The following BMPER variants were observed in gnomAD, a reference collection of about 807,000 sequenced individuals.
BMPER encodes the protein BMP binding endothelial regulator.
In BMPER, 45 loss-of-function variants were observed where a neutral mutation model predicts 87.3. That is an observed-to-expected ratio of 0.52 (90% CI 0.41 to 0.66). The LOEUF is 0.66. BMPER is among the 30% of genes least tolerant of loss of function. BMPER has a pLI of 0.00. For synonymous variants in BMPER, 326 were observed against 316.2 expected, an observed-to-expected ratio of 1.03 and a Z score of -0.33; for missense variants, 784 against 867.5, an observed-to-expected ratio of 0.90 and a Z score of 1.21.
intron 6 of BMPER, among the ~76,000 whole-genome samples, chr7:34,003,157 T>C (rs1259551467): frequency 6.6e-6 from 1 of 151,758 alleles, no homozygotes; most frequent in African/African-American, 2.4e-5. Context: ...AATTCTAATA[T>C]AAATTTCTAG....
chr7:33,966,292 T>C (rs368782587), intron 3 of BMPER, among the ~76,000 whole-genome samples, 187 bp from the exon 4 acceptor site: 6 of 152,352 alleles, frequency 3.9e-5, no homozygotes, highest in South Asian at 2.1e-4. Context: ...AATGAATTAA[T>C]GTAAGTGAAT....
At chr7:34,127,032 A>G (rs1275401457) in intron 13 of BMPER, among the ~76,000 whole-genome samples, 1 of 152,228 alleles carries the variant, frequency 6.6e-6, no homozygotes, top group Non-Finnish European at 1.5e-5. Context: ...ATGGTAGGCA[A>G]AAGAATAATA....
intron 6 of BMPER, among the ~76,000 whole-genome samples, chr7:33,988,757 C>G (rs962514605): frequency 5.0e-5 from 5 of 100,496 alleles, no homozygotes; most frequent in African/African-American, 1.9e-4. Flanking sequence ...CGATGCTATC[C>G]CTCCCCCCTC....
chr7:33,994,228 G>C (rs946036403), intron 6 of BMPER, among the ~76,000 whole-genome samples: 1 of 152,210 alleles, frequency 6.6e-6, no homozygotes, highest in Admixed American at 6.5e-5. Context: ...CCTCGCTGCC[G>C]CCTTGCAGTG....
At chr7:34,063,848 A>G (rs1788504766) in intron 11 of BMPER, among the ~76,000 whole-genome samples, 2 of 152,222 alleles carry the variant, frequency 1.3e-5, no homozygotes, top group Non-Finnish European at 2.9e-5. Flanking sequence ...TTCCTCATAA[A>G]GTGTCTTCCA....
intron 6 of BMPER, among the ~76,000 whole-genome samples, chr7:33,980,813 T>C (rs1270365132): frequency 2.0e-5 from 3 of 152,222 alleles, no homozygotes; most frequent in African/African-American, 7.2e-5. Flanking sequence ...GGGTTGTTAA[T>C]GGGCTGTCTG....
intron 13 of BMPER, among the ~76,000 whole-genome samples, chr7:34,112,727 GC>G (rs1790011850): frequency 1.3e-5 from 2 of 151,594 alleles, no homozygotes; most frequent in Admixed American, 6.6e-5. Flanking sequence ...CATTTTAAAT[GC>G]CTGTATAATA....
chr7:33,971,249 C>T (rs1448809713), intron 5 of BMPER, among the ~76,000 whole-genome samples: 5 of 152,070 alleles, frequency 3.3e-5, no homozygotes, highest in East Asian at 1.9e-4. Context: ...CACCACTGGA[C>T]GCTCTGCAGA....
chr7:34,145,311 A>G (rs1028928055), intron 14 of BMPER, among the ~76,000 whole-genome samples: 1 of 152,002 alleles, frequency 6.6e-6, no homozygotes, highest in Admixed American at 6.6e-5. Context: ...GAGCCCTTTC[A>G]CCTTCCTCTG....
rs748049781 is a variant in BMPER, at chr7:34,085,740, TCTC to T, written c.1409-6_1409-4del. On this transcript the variant is annotated splice_polypyrimidine_tract_variant and intron_variant, in intron 12 of 14. Coordinates refer to ENST00000649409, the MANE Select transcript of BMPER (RefSeq NM_001365308.1). ...TAATGAGTGATTGATTTCCTTTTCC[TCTC>T]CTCCTCCTCTAGGTTTGGAAATATC... 1 of 1,603,812 alleles carries T rather than the reference TCTC, an allele frequency of 6.2e-7. No individual in the cohort carries two copies. The highest frequency in any genetic ancestry group is 1.1e-5 in the South Asian group (1 of 90,642).
intron 6 of BMPER, among the ~76,000 whole-genome samples, chr7:34,040,411 TGGG>T (rs1055744833): frequency 6.6e-6 from 1 of 152,144 alleles, no homozygotes; most frequent in Admixed American, 6.5e-5. Flanking sequence ...TTAGGTTGTG[TGGG>T]TTTGGAGTCC....
At chr7:33,947,213 A>G (rs1784911577) in intron 3 of BMPER, among the ~76,000 whole-genome samples, 1 of 152,148 alleles carries the variant, frequency 6.6e-6, no homozygotes. Flanking sequence ...ATTTACTTGG[A>G]CTGAAAATCA....
At chr7:33,937,532 G>GTA (rs1261077296) in intron 3 of BMPER, 144 bp downstream of exon 3, 1 of 752,042 alleles carries the variant, frequency 1.3e-6, no homozygotes, top group African/African-American at 1.7e-5. Flanking sequence ...GTGTGTGTGT[G>GTA]TGTGTATGTG....
At chr7:33,972,248 C>T (rs1785569047) in intron 5 of BMPER, among the ~76,000 whole-genome samples, 2 of 152,138 alleles carry the variant, frequency 1.3e-5, no homozygotes, top group Admixed American at 6.5e-5. Context: ...CTGCCCTCTC[C>T]TCATAACCAT....
chr7:34,119,340 T>C (rs1373703653), intron 13 of BMPER, among the ~76,000 whole-genome samples: 1 of 152,204 alleles, frequency 6.6e-6, no homozygotes, highest in African/African-American at 2.4e-5. Context: ...TTTTACATAG[T>C]TGAAATCATG....
intron 2 of BMPER, among the ~76,000 whole-genome samples, chr7:33,928,639 C>CAAAAAAAAAAAAAAAAAAAAAA: frequency 2.0e-5 from 1 of 49,090 alleles, no homozygotes; most frequent in Non-Finnish European, 3.5e-5. Flanking sequence ...TTGAAAAAGC[C>CAAAAAAAAAAAAAAAAAAAAAA]AAAAAAAAAA....
At chr7:34,055,576 C>T (rs185692970) in intron 9 of BMPER, among the ~76,000 whole-genome samples, 1 of 152,212 alleles carries the variant, frequency 6.6e-6, no homozygotes, top group East Asian at 1.9e-4. Context: ...GTAAAACCTG[C>T]CTGAATACCT....
rs750317118 is a variant in BMPER at position 34,058,182 on chromosome 7, T to C, written c.1032+19T>C. 49 of 1,605,696 alleles carry C rather than the reference T, an allele frequency of 3.1e-5. No individual in the cohort carries two copies. Among genetic ancestry groups the C allele is most frequent in the African/African-American group, 4.0e-5 (3 of 74,712 alleles). On this transcript the variant is annotated intron_variant, in intron 10 of 14. Coordinates refer to ENST00000649409, the MANE Select transcript of BMPER (RefSeq NM_001365308.1). Reference sequence around the variant, plus strand: ...CCCACAGGTATGTTTGGAACACAGATTGACTTTACCTTAGCGTCTTGAGAA... The same window carrying C: ...CCCACAGGTATGTTTGGAACACAGACTGACTTTACCTTAGCGTCTTGAGAA...
In BMPER at chr7:33,914,949, A is replaced by G. The variant is rs187957380; in HGVS notation, c.219+8046A>G. 4.2e-4 allele frequency among the ~76,000 whole-genome samples: 64 copies of G among 152,284 alleles called. 2 individuals carry two copies. In the East Asian group the frequency reaches 0.012, roughly 29 times the overall value. Reference sequence around the variant, plus strand: ...TTCTCATCTTCTTGGACTATTTGAAACAATGAACAATGGTCCCTTCCCCCC... The same window carrying G: ...TTCTCATCTTCTTGGACTATTTGAAGCAATGAACAATGGTCCCTTCCCCCC... On this transcript the variant is annotated intron_variant, in intron 2 of 14. Coordinates refer to ENST00000649409, the MANE Select transcript of BMPER (RefSeq NM_001365308.1).
Sources: gnomAD v4.1 joint callset for allele counts (sites outside exome capture counted in the v4.1 genomes callset) on GRCh38, gnomAD v4.1.1 for gene constraint, MANE v1.5 for transcripts, NCBI Gene and HGNC (gene_info 2026-07-23, HGNC 2026-07-21) for gene names.